SNRK: variants seen among roughly 807,000 people sequenced by gnomAD.
SNRK encodes the protein SNF related kinase.
Under a neutral mutation model 48.2 loss-of-function variants are expected in SNRK, and 3 were observed. That is an observed-to-expected ratio of 0.06 (90% CI 0.03 to 0.16). SNRK has a LOEUF of 0.16. Ranked by LOEUF, SNRK falls within the 10% of genes least tolerant of loss-of-function variation. The probability of loss-of-function intolerance (pLI) is 1.00; values close to 1 mark genes in which losing one functional copy is unlikely to be tolerated. For synonymous variants in SNRK, 376 were observed against 366.1 expected, an observed-to-expected ratio of 1.03 and a Z score of -0.31; for missense variants, 627 against 976.0, an observed-to-expected ratio of 0.64 and a Z score of 4.76.
At chr3:43,320,747 G>A (rs906154943) in intron 3 of SNRK, among the ~76,000 whole-genome samples, 1 of 151,772 alleles carries the variant, frequency 6.6e-6, no homozygotes, top group Non-Finnish European at 1.5e-5. Flanking sequence ...AGTGCATAAT[G>A]TAAGTTGATT....
chr3:43,334,129 G>A (rs995197599), intron 4 of SNRK, among the ~76,000 whole-genome samples: 3 of 152,030 alleles, frequency 2.0e-5, no homozygotes, highest in Admixed American at 6.6e-5. Flanking sequence ...CTGGGCGACA[G>A]AGTGAGACTC....
At chr3:43,289,646 A>C (rs2125610166) in intron 1 of SNRK, 3 of 152,760 alleles carry the variant, frequency 2.0e-5, no homozygotes, top group Admixed American at 2.0e-4. Context: ...TCTCATGGGA[A>C]ACCATTTCTT....
At position 43,332,885 on chromosome 3, in the gene SNRK, A is replaced by G. The variant is rs2091157359; in HGVS notation, c.731+575A>G. 3 of 152,244 alleles carry G rather than the reference A, an allele frequency of 2.0e-5. No homozygotes were observed. The South Asian group carries it at 6.2e-4, about 31-fold the overall frequency. 9.4% of individuals were successfully genotyped at this position (152,244 alleles called of 1,614,324 possible). Reference sequence around the variant, plus strand: ...TTTGGAATTTAAAGTAGTACATAGTACTATGATATGTGTAGTGAGAAATAT... The same window carrying G: ...TTTGGAATTTAAAGTAGTACATAGTGCTATGATATGTGTAGTGAGAAATAT... On this transcript the variant is annotated intron_variant, in intron 4 of 6. Coordinates refer to ENST00000296088, the MANE Select transcript of SNRK (RefSeq NM_017719.5).
intron 1 of SNRK, among the ~76,000 whole-genome samples, chr3:43,287,901 C>G (rs754694926): frequency 3.9e-5 from 6 of 152,226 alleles, no homozygotes; most frequent in Non-Finnish European, 8.8e-5. Flanking sequence ...TTAAGGAAAT[C>G]TGTCCTCAAC....
chr3:43,298,321 A>G (rs1368332888), intron 1 of SNRK, among the ~76,000 whole-genome samples: 1 of 152,028 alleles, frequency 6.6e-6, no homozygotes, highest in Non-Finnish European at 1.5e-5. Context: ...GAGACTAGGG[A>G]TGAAACAGGG....
At chr3:43,296,415 C>CATATAT (rs371078181) in intron 1 of SNRK, among the ~76,000 whole-genome samples, 28,080 of 127,006 alleles carry the variant, frequency 0.22, 3,473 homozygotes, top group Middle Eastern at 0.32. Context: ...GATATACTGG[C>CATATAT]ATATATATAT....
chr3:43,292,994 C>G (rs2090824972), intron 1 of SNRK, among the ~76,000 whole-genome samples: 1 of 152,226 alleles, frequency 6.6e-6, no homozygotes, highest in South Asian at 2.1e-4. Flanking sequence ...TTTGAATGGA[C>G]AGGGACTGTG....
intron 3 of SNRK, among the ~76,000 whole-genome samples, chr3:43,328,833 T>A (rs1308192764): frequency 1.3e-5 from 2 of 152,188 alleles, no homozygotes; most frequent in Non-Finnish European, 2.9e-5. Flanking sequence ...GCATCCTTAG[T>A]GGCTTGGGAG....
At chr3:43,345,720 G>A (rs2125649355) in intron 6 of SNRK, among the ~76,000 whole-genome samples, 1 of 152,328 alleles carries the variant, frequency 6.6e-6, no homozygotes, top group East Asian at 1.9e-4. Flanking sequence ...TGGCTTAGCT[G>A]AAAGGAGTGG....
intron 4 of SNRK, 66 bp downstream of exon 4, chr3:43,332,376 TAATATGTC>T (rs2091152708): frequency 2.5e-6 from 3 of 1,188,098 alleles, no homozygotes; most frequent in South Asian, 3.4e-5. Context: ...TTAATTCCAT[TAATATGTC>T]AAGAAAATTT....
intron 1 of SNRK, among the ~76,000 whole-genome samples, chr3:43,292,014 C>CATT (rs1263838010): frequency 6.6e-6 from 1 of 152,212 alleles, no homozygotes; most frequent in African/African-American, 2.4e-5. Context: ...AAGTGCAGTA[C>CATT]ATACATAGAT....
intron 5 of SNRK, 149 bp from the exon 6 acceptor site, chr3:43,343,195 T>A (rs1187620562): frequency 5.2e-6 from 5 of 961,008 alleles, no homozygotes; most frequent in Non-Finnish European, 7.4e-6. Context: ...AACTACTAGT[T>A]TGGTTTTTTT....
In SNRK at chr3:43,309,810, C is replaced by G. The variant is rs116280538; in HGVS notation, c.589+6018C>G. 7.8e-3 allele frequency among the ~76,000 whole-genome samples: 1,186 copies of G among 151,916 alleles called. 14 individuals carry two copies. The highest frequency in any genetic ancestry group is 0.026 in the African/African-American group (1,067 of 41,450). On this transcript the variant is annotated intron_variant, in intron 3 of 6. Transcript: ENST00000296088. ...TTTTAAAGTTTTGTAAAGATAGAGT[C>G]TTACTATGTTGCCTGGGCTGGTCTT...
At chr3:43,334,211 G>A (rs1441970608) in intron 4 of SNRK, among the ~76,000 whole-genome samples, 15 of 151,992 alleles carry the variant, frequency 9.9e-5, no homozygotes, top group Non-Finnish European at 1.9e-4. Flanking sequence ...AGCACTTTGG[G>A]AGGCCAAGAT....
chr3:43,329,011 T>C (rs1385378997), intron 3 of SNRK, among the ~76,000 whole-genome samples: 2 of 152,214 alleles, frequency 1.3e-5, no homozygotes, highest in Admixed American at 6.5e-5. Flanking sequence ...CCACAGCAGC[T>C]TTACAAGAAA....
intron 6 of SNRK, among the ~76,000 whole-genome samples, chr3:43,346,225 T>A (rs1205620341): frequency 6.6e-6 from 1 of 152,116 alleles, no homozygotes; most frequent in Non-Finnish European, 1.5e-5. Flanking sequence ...AAATTTAAAT[T>A]TTTTTTTAAT....
intron 5 of SNRK, 179 bp from the exon 6 acceptor site, chr3:43,343,165 G>T: frequency 1.4e-6 from 1 of 700,462 alleles, no homozygotes. Context: ...GTTGTTTTTA[G>T]AACTTTGAGT....
chr3:43,287,585 C>T (rs558742075), intron 1 of SNRK, among the ~76,000 whole-genome samples: 1 of 152,258 alleles, frequency 6.6e-6, no homozygotes, highest in South Asian at 2.1e-4. Context: ...TATGTGCATT[C>T]TTAAAGTCTT....
At chr3:43,317,993 CAG>C (rs916640240) in intron 3 of SNRK, among the ~76,000 whole-genome samples, 1 of 152,228 alleles carries the variant, frequency 6.6e-6, no homozygotes, top group African/African-American at 2.4e-5. Context: ...GTCACTGTCT[CAG>C]TGCTGCTGCT....
Sources: allele counts gnomAD v4.1 joint callset (sites outside exome capture counted in the v4.1 genomes callset), GRCh38; gene constraint gnomAD v4.1.1; transcripts MANE v1.5; gene names NCBI Gene and HGNC (gene_info 2026-07-23, HGNC 2026-07-21).